The following MYH14 variants were observed in gnomAD, a reference collection of about 807,000 sequenced individuals.
The protein encoded by MYH14 is myosin heavy chain 14.
A neutral mutation model predicts 255.5 loss-of-function variants in MYH14; 123 were observed. The ratio of observed to expected loss-of-function variants is 0.48; its 90% confidence interval spans 0.42 to 0.56. The LOEUF is 0.56. Ranked by LOEUF, MYH14 falls within the 20% of genes least tolerant of loss-of-function variation. The pLI is 0.00. For missense variants in MYH14, 2,423 were observed against 2,802.3 expected (o/e 0.86, Z 3.06); for synonymous variants, 1,095 against 1,161.2 (o/e 0.94, Z 1.16).
chr19:50,273,502 T>C (rs1339263950), intron 27 of MYH14, among the ~76,000 whole-genome samples: 1 of 152,084 alleles, frequency 6.6e-6, no homozygotes, highest in African/African-American at 2.4e-5. Context: ...TGCACTGTGC[T>C]TCATGCAATC....
intron 40 of MYH14, among the ~76,000 whole-genome samples, chr19:50,302,601 A>G (rs528001404): frequency 8.0e-5 from 12 of 149,564 alleles, no homozygotes; most frequent in African/African-American, 2.7e-4. Context: ...AAAGAAAGAA[A>G]AAAAGAAAAG....
Position 50,268,251 on chromosome 19 carries a change from G to A in MYH14, c.2917G>A (p.Ala973Thr). 4.5e-6 allele frequency: 7 copies of A among 1,570,190 alleles called. No homozygotes were observed. The highest frequency in any genetic ancestry group is 5.2e-6 in the Non-Finnish European group (6 of 1,158,240). ...EAEETRGRLA[A>T]RKQELELVVS... ...CGAGGAGACGCGGGGGAGGCTGGCA[G>A]CCCGCAAGCAGGAGCTGGAGCTGGT... Residue 973 changes from alanine (A) to threonine (T), a missense_variant, in exon 24 of 43, where the codon GCC becomes ACC. Ala to Thr is a moderately conservative substitution (Grantham distance 58). Coordinates refer to ENST00000642316, the MANE Select transcript of MYH14 (RefSeq NM_001145809.2).
At chr19:50,251,412 G>A (rs2034365230) in intron 15 of MYH14, among the ~76,000 whole-genome samples, 1 of 151,198 alleles carries the variant, frequency 6.6e-6, no homozygotes, top group African/African-American at 2.4e-5. Flanking sequence ...CCCCAGAAGG[G>A]CCCCCATGAG....
At position 50,293,874 on chromosome 19, in the gene MYH14, A is replaced by G. The variant is rs4801826; in HGVS notation, c.5469+187A>G. 0.66 allele frequency among the ~76,000 whole-genome samples: 100,987 copies of G among 152,044 alleles called. 35,670 individuals are homozygous for G. Among genetic ancestry groups the G allele is most frequent in the East Asian group, 0.92 (4,783 of 5,178 alleles). On this transcript the variant is annotated intron_variant, in intron 39 of 42. Coordinates refer to ENST00000642316, the MANE Select transcript of MYH14 (RefSeq NM_001145809.2). The surrounding 1 kb of genome is among the most constrained non-coding windows in gnomAD (Gnocchi z 4.1). ...TTTCTGAGGGGTTTCTTCAGGGCTA[A>G]ATCCAAAGATGAATTATGTGGGGAA... is the stretch of plus-strand genomic sequence containing the variant.
chr19:50,230,741 C>A lies in MYH14; in HGVS notation c.973+118C>A. 1.2e-6 allele frequency: 1 copy of A among 815,070 alleles called. No homozygotes were observed. The highest frequency in any genetic ancestry group is 1.7e-5 in the African/African-American group (1 of 58,452). The allele number at this position is 815,070 out of a possible 1,614,324, so 50.5% of individuals were successfully genotyped here. ...GGCTCTAATATCCGTCAAACACCGA[C>A]TTCGCATGAGGCTCCCGCAGCCCCT... On this transcript the variant is annotated intron_variant, in intron 9 of 42. Coordinates refer to ENST00000642316, the MANE Select transcript of MYH14 (RefSeq NM_001145809.2). This position sits in a 1 kb window ranked among gnomAD's most constrained non-coding sequence, Gnocchi z 4.7.
At chr19:50,216,392 C>T (rs529338398) in intron 2 of MYH14, among the ~76,000 whole-genome samples, 2 of 152,088 alleles carry the variant, frequency 1.3e-5, no homozygotes, top group Non-Finnish European at 2.9e-5. Flanking sequence ...TAGTTGAGCC[C>T]AGGAATTCAA....
intron 8 of MYH14, among the ~76,000 whole-genome samples, chr19:50,228,881 G>A (rs1047569923): frequency 3.3e-5 from 5 of 152,286 alleles, no homozygotes; most frequent in African/African-American, 7.2e-5. Context: ...CAGGCCAATC[G>A]TATGAGTCTT....
chr19:50,224,032 T>TG (rs2032975258), intron 5 of MYH14, 122 bp from the exon 6 acceptor site: 13 of 610,292 alleles, frequency 2.1e-5, no homozygotes, highest in Non-Finnish European at 3.6e-5. Flanking sequence ...ATGCCCGGTT[T>TG]CCCCAGTCCC....
At chr19:50,270,388 C>T (rs1198255554) in intron 24 of MYH14, among the ~76,000 whole-genome samples, 3 of 151,638 alleles carry the variant, frequency 2.0e-5, no homozygotes, top group African/African-American at 4.8e-5. Flanking sequence ...GGTGTGGTAG[C>T]GGGTGCCTGT....
intron 39 of MYH14, among the ~76,000 whole-genome samples, chr19:50,300,278 G>A (rs959199432): frequency 2.0e-5 from 3 of 152,290 alleles, no homozygotes; most frequent in African/African-American, 7.2e-5. Flanking sequence ...GAGACAGGAA[G>A]CAGCAGGGTC....
chr19:50,252,623 A>G lies in MYH14; in HGVS notation c.1831-16A>G, dbSNP rs746147522. ...AGCCTGCAAGTCATCGCCCTCCTCT[A>G]CCTGACTTCATTCAGGTCGACTACA... On this transcript the variant is annotated splice_polypyrimidine_tract_variant and intron_variant, in intron 15 of 42. Transcript: ENST00000642316. This position sits in a 1 kb window ranked among gnomAD's most constrained non-coding sequence, Gnocchi z 4.2. 2.6e-6 allele frequency: 4 copies of G among 1,540,166 alleles called. No individual in the cohort carries two copies. The East Asian group carries it at 9.5e-5, about 37-fold the overall frequency.
In MYH14 at chr19:50,276,224, G is replaced by A. The variant is rs530673073; in HGVS notation, c.3680+21G>A. The A allele has an allele frequency of 4.0e-6, 6 of 1,505,174 alleles. No individual in the cohort carries two copies. The highest frequency in any genetic ancestry group is 1.2e-5 in the South Asian group (1 of 80,110). The allele number at this position is 1,505,174 out of a possible 1,614,324, so 93.2% of individuals were successfully genotyped here. ...CTCCGGTGAGGCCCGGTGGCAGGCC[G>A]CTGTCACAGCCTGTGCACATACAGG... On this transcript the variant is annotated intron_variant, in intron 28 of 42. Transcript: ENST00000642316. The surrounding 1 kb of genome is among the most constrained non-coding windows in gnomAD (Gnocchi z 4.3).
chr19:50,249,378 T>C (rs541211611), intron 13 of MYH14: 5 of 598,544 alleles, frequency 8.4e-6, no homozygotes, highest in South Asian at 4.4e-5. Context: ...TCTGTCCCCC[T>C]CTCTCTCTGG....
At chr19:50,251,512 TATACACACTACACAC>T (rs1568500379) in intron 15 of MYH14, among the ~76,000 whole-genome samples, 1 of 41,972 alleles carries the variant, frequency 2.4e-5, no homozygotes, top group Admixed American at 2.2e-4. Flanking sequence ...CACATATATA[TATACACACTACACAC>T]ACACACACAC....
rs200626930 is a variant in MYH14, at chr19:50,216,801, C to CTTT, written c.406-792_406-790dup. Among the ~76,000 whole-genome samples, 159 of 112,780 alleles carry CTTT rather than the reference C, an allele frequency of 1.4e-3. 1 individual carries two copies. Among genetic ancestry groups the CTTT allele is most frequent in the African/African-American group, 4.3e-3 (110 of 25,562 alleles). The allele number at this position is 112,780 out of a possible 152,430, so 74.0% of individuals were successfully genotyped here. A position where few individuals can be genotyped will look rare whatever the true frequency, so the allele number is the denominator to read the frequency against. On this transcript the variant is annotated intron_variant, in intron 2 of 42. Coordinates refer to ENST00000642316, the MANE Select transcript of MYH14 (RefSeq NM_001145809.2). ...TAAAAAGATTCCTCTTCCATCCTTT[C>CTTT]TTTTTTTTTTTTTTTTTTTTTTTTG...
chr19:50,283,942 C>T (rs2035805131), intron 33 of MYH14, among the ~76,000 whole-genome samples: 1 of 152,004 alleles, frequency 6.6e-6, no homozygotes, highest in African/African-American at 2.4e-5. Flanking sequence ...CATGGTGGTG[C>T]ATGCCTGTAA....
intron 27 of MYH14, 108 bp from the exon 28 acceptor site, chr19:50,275,883 C>A: frequency 1.2e-6 from 1 of 818,874 alleles, no homozygotes; most frequent in Admixed American, 2.8e-5. Flanking sequence ...GGATTCTAAC[C>A]TGGGACTGGC....
chr19:50,219,122 G>T (rs1219871437), intron 3 of MYH14, among the ~76,000 whole-genome samples: 1 of 143,124 alleles, frequency 7.0e-6, no homozygotes. Flanking sequence ...ATATATATGT[G>T]TGTGTGTGTA....
intron 3 of MYH14, among the ~76,000 whole-genome samples, chr19:50,220,751 C>T (rs1044335333): frequency 6.6e-6 from 1 of 152,090 alleles, no homozygotes; most frequent in Non-Finnish European, 1.5e-5. Flanking sequence ...CCAGGTTTCA[C>T]CATGTTGGCC....
Sources: allele counts gnomAD v4.1 joint callset (sites outside exome capture counted in the v4.1 genomes callset), GRCh38; gene constraint gnomAD v4.1.1; non-coding constraint Gnocchi (gnomAD v3.1); transcripts MANE v1.5; gene names NCBI Gene and HGNC (gene_info 2026-07-23, HGNC 2026-07-21).